CPLANE1: variants seen among roughly 807,000 people sequenced by gnomAD.
The protein encoded by CPLANE1 is ciliogenesis and planar polarity effector complex subunit 1.
Under a neutral mutation model 362.5 loss-of-function variants are expected in CPLANE1, and 263 were observed. The observed-to-expected ratio is 0.73, with a 90% CI of 0.66 to 0.80. The LOEUF is 0.80. Among genes scored for constraint, CPLANE1 ranks in the 30% least tolerant of loss-of-function variants. The pLI, the probability that CPLANE1 is intolerant of heterozygous loss-of-function variation, is 0.00. For missense variants in CPLANE1, 3,461 were observed against 3,793.4 expected (o/e 0.91, Z 2.30); for synonymous variants, 1,212 against 1,302.6 (o/e 0.93, Z 1.50).
chr5:37,107,168 T>C lies in CPLANE1; in HGVS notation c.*434A>G, dbSNP rs186004348. 17 of 986,016 alleles carry C rather than the reference T, an allele frequency of 1.7e-5. No individual in the cohort carries two copies. Among genetic ancestry groups the C allele is most frequent in the African/African-American group, 1.2e-4 (7 of 57,378 alleles). The allele number at this position is 986,016 out of a possible 1,614,324, so 61.1% of individuals were successfully genotyped here. The stretch of plus-strand genomic sequence containing the variant: ...AGGTGTTTTAAAATAGGGTTCATAA[T>C]TGAGTTCTCAGGTGAGACTGATTTT... On this transcript the variant is annotated 3_prime_UTR_variant, in exon 53 of 53. Transcript: ENST00000651892.
rs1200512084 is a variant in CPLANE1, at chr5:37,107,613, G to A, written c.9745C>T (p.Leu3249=). The change falls in exon 53 of 53, where the codon CTG becomes TTG. Residue 3249 remains leucine (L), a synonymous_variant. Coordinates refer to ENST00000651892, the MANE Select transcript of CPLANE1 (RefSeq NM_001384732.1). ...EDQGLSVHWA[L]DL ...ATGATATCCAGGTCTTACAGGTCCAGGGCCCAGTGGACAGACAGGCCCTGG... is the reference window on the plus strand; with the variant it reads ...ATGATATCCAGGTCTTACAGGTCCAAGGCCCAGTGGACAGACAGGCCCTGG... 2 of 1,609,868 alleles carry A rather than the reference G, an allele frequency of 1.2e-6. No homozygotes were observed. The highest frequency in any genetic ancestry group is 3.3e-5 in the Admixed American group (2 of 59,844).
Position 37,169,209 on chromosome 5 carries a change from G to A in CPLANE1, c.6815C>T (p.Pro2272Leu), listed in dbSNP as rs777757781. 6 of 1,614,092 alleles carry A rather than the reference G, an allele frequency of 3.7e-6. No homozygotes were observed. The highest frequency in any genetic ancestry group is 4.2e-6 in the Non-Finnish European group (5 of 1,180,010). ...GLSDSFQPALPQRAAQTTPAS... is the reference protein window; with the variant it reads ...GLSDSFQPALLQRAAQTTPAS... ...TGGAGTAGTTTGTGCTGCTCTCTGT[G>A]GCAGAGCAGGTTGGAAGGAGTCAGA... The change falls in exon 34 of 53, where the codon CCA becomes CTA. Residue 2272 changes from proline to leucine, a missense_variant. Physicochemically the swap from Pro to Leu is moderately conservative, Grantham distance 98. This residue lies in a region of CPLANE1 where 3,380 missense variants were observed against 3,666.1 expected (regional missense o/e 0.92). Coordinates refer to ENST00000651892, the MANE Select transcript of CPLANE1 (RefSeq NM_001384732.1).
Position 37,107,037 on chromosome 5 carries a change from G to C in CPLANE1, c.*565C>G. On this transcript the variant is annotated 3_prime_UTR_variant, in exon 53 of 53. Coordinates refer to ENST00000651892, the MANE Select transcript of CPLANE1 (RefSeq NM_001384732.1). Reference sequence around the variant, plus strand: ...CTCCAAGGCTTCAGGCTACAGGGCAGAAGACAGAAGATCTCCTGGCCTCCA... The same window carrying C: ...CTCCAAGGCTTCAGGCTACAGGGCACAAGACAGAAGATCTCCTGGCCTCCA... 4 of 985,438 alleles carry C rather than the reference G, an allele frequency of 4.1e-6. No homozygotes were observed. The highest frequency in any genetic ancestry group is 3.6e-6 in the Non-Finnish European group (3 of 829,930). The allele number at this position is 985,438 out of a possible 1,614,324, so 61.0% of individuals were successfully genotyped here.
chr5:37,148,344 T>TG, intron 42 of CPLANE1, 76 bp from the exon 43 acceptor site: 3 of 1,038,894 alleles, frequency 2.9e-6, no homozygotes, highest in Non-Finnish European at 2.8e-6. Context: ...TTTATGTAAG[T>TG]TTTAAACACT....
rs1264659510 is a variant in CPLANE1 at position 37,121,755 on chromosome 5, C to T, written c.9047G>A (p.Arg3016Gln). The stretch of plus-strand genomic sequence containing the variant: ...CATCAGACCGTACGCTTGTGAGATT[C>T]GACGACTATAGTGTTCAGAGAGCAG... Reference protein sequence around the residue: ...RLLLSEHYSRRISQAYGLMNE... With the variant: ...RLLLSEHYSRQISQAYGLMNE... The change falls in exon 49 of 53, where the codon CGA becomes CAA. Residue 3016 changes from arginine (R) to glutamine (Q), a missense_variant. By Grantham distance (43) the Arg-to-Gln change is conservative. Around this residue, in one of 2 missense-constraint regions of CPLANE1, gnomAD observed 3,380 missense variants for 3,666.1 expected, o/e 0.92. Coordinates refer to ENST00000651892, the MANE Select transcript of CPLANE1 (RefSeq NM_001384732.1). The T allele has an allele frequency of 3.1e-6, 5 of 1,613,800 alleles. No homozygotes were observed. Among genetic ancestry groups the T allele is most frequent in the Admixed American group, 1.7e-5 (1 of 59,988 alleles).
the CPLANE1 span, among the ~76,000 whole-genome samples, chr5:37,084,604 AC>A: frequency 6.6e-6 from 1 of 151,442 alleles, no homozygotes; most frequent in East Asian, 1.9e-4. Context: ...ACATAATGAA[AC>A]CCCGTCTCTA....
chr5:37,205,694 C>A (rs1349164956), intron 17 of CPLANE1, among the ~76,000 whole-genome samples: 1 of 152,168 alleles, frequency 6.6e-6, no homozygotes, highest in Non-Finnish European at 1.5e-5. Context: ...GCTTTACTAA[C>A]ACATAAGTGT....
rs1304431838 is a variant in CPLANE1 at position 37,195,863 on chromosome 5, G to A, written c.3806C>T (p.Ala1269Val). Residue 1269 changes from alanine (A) to valine (V), a missense_variant, in exon 21 of 53, where the codon GCA becomes GTA. By Grantham distance (64) the Ala-to-Val change is moderately conservative (BLOSUM62 0). This residue lies in a region of CPLANE1 where 3,380 missense variants were observed against 3,666.1 expected (regional missense o/e 0.92). Coordinates refer to ENST00000651892, the MANE Select transcript of CPLANE1 (RefSeq NM_001384732.1). The part of the protein sequence containing the change: ...DHKLDEVSIR[A>V]IGCFRELCAL... ...GCAGTTCATTTTGGACAAACCTATTGCTCTAATGGAAACTTCATCAAGCTT... is the reference window on the plus strand; with the variant it reads ...GCAGTTCATTTTGGACAAACCTATTACTCTAATGGAAACTTCATCAAGCTT... 8 of 1,608,730 alleles carry A rather than the reference G, an allele frequency of 5.0e-6. No homozygotes were observed.
chr5:37,076,253 CA>C, the CPLANE1 span, among the ~76,000 whole-genome samples: 132,981 of 138,788 alleles, frequency 0.96, 63,674 homozygotes, highest in East Asian at 0.99. Context: ...GACCCTGTCT[CA>C]AAAAAAAAAA....
In CPLANE1 at chr5:37,121,703, C is replaced by T. The variant is rs752850962; in HGVS notation, c.9099G>A (p.Gln3033=). Residue 3033 remains glutamine, a synonymous_variant, in exon 49 of 53, where the codon CAG becomes CAA. Coordinates refer to ENST00000651892, the MANE Select transcript of CPLANE1 (RefSeq NM_001384732.1). ...LMNELLSESV[Q]LPTLPQKPLP... ...ATGGTTTCTGTGGTAGAGTTGGTAG[C>T]TGTACTGACTCAGATAACAGTTCAT... is the stretch of plus-strand genomic sequence containing the variant. The T allele has an allele frequency of 1.2e-6, 2 of 1,613,610 alleles. No homozygotes were observed. The highest frequency in any genetic ancestry group is 3.3e-5 in the Admixed American group (2 of 60,010).
At chr5:37,242,228 C>T (rs1279912856) in intron 6 of CPLANE1, among the ~76,000 whole-genome samples, 1 of 151,948 alleles carries the variant, frequency 6.6e-6, no homozygotes, top group African/African-American at 2.4e-5. Context: ...GTGGCGGGCA[C>T]CTGTAGTCCC....
the CPLANE1 span, among the ~76,000 whole-genome samples, chr5:37,093,618 T>C: frequency 6.6e-6 from 1 of 152,198 alleles, no homozygotes. Context: ...TTGCTAATTA[T>C]ACTCATGATT....
Position 37,227,029 on chromosome 5 carries a change from G to A in CPLANE1, c.1566C>T (p.Asp522=). The A allele has an allele frequency of 6.5e-7, 1 of 1,547,702 alleles. No homozygotes were observed. Among genetic ancestry groups the A allele is most frequent in the Non-Finnish European group, 8.7e-7 (1 of 1,146,002 alleles). ...EETNEGRHFP[D]NLCPFWNKRD... ...TTTTGTTCCAAAAAGGACATAAGTT[G>A]TCTGGAAAGTGTCTGCCTTCGTTAG... Residue 522 remains aspartate (D), a synonymous_variant, in exon 12 of 53, where the codon GAC becomes GAT. Coordinates refer to ENST00000651892, the MANE Select transcript of CPLANE1 (RefSeq NM_001384732.1).
intron 21 of CPLANE1, 98 bp from the exon 22 acceptor site, chr5:37,187,940 G>C (rs1051970166): frequency 4.3e-6 from 3 of 701,954 alleles, no homozygotes; most frequent in Non-Finnish European, 6.8e-6. Context: ...CAAAATAAAG[G>C]TCTTTATTTC....
At position 37,126,550 on chromosome 5, in the gene CPLANE1, T is replaced by C. The variant is rs901387303; in HGVS notation, c.8793-1141A>G. Among the ~76,000 whole-genome samples, 3 of 152,216 alleles carry C rather than the reference T, an allele frequency of 2.0e-5. No individual in the cohort carries two copies. The South Asian group carries it at 6.2e-4, about 32-fold the overall frequency. On this transcript the variant is annotated intron_variant, in intron 46 of 52. Transcript: ENST00000651892. ...GAGCTGCATCATAGTCTGATGCTTC[T>C]CCTTACTTCTTCCCTGCATTCCGCC...
At chr5:37,188,170 CT>C (rs960163219) in intron 21 of CPLANE1, among the ~76,000 whole-genome samples, 69 of 151,914 alleles carry the variant, frequency 4.5e-4, no homozygotes, top group African/African-American at 1.5e-3. Context: ...TTGCAACTAG[CT>C]TTTTTTTCAC....
intron 26 of CPLANE1, among the ~76,000 whole-genome samples, chr5:37,181,965 G>A (rs1782774835): frequency 6.6e-6 from 1 of 152,000 alleles, no homozygotes; most frequent in African/African-American, 2.4e-5. Flanking sequence ...GGTGGCGCGT[G>A]CCTGTAGTCC....
At chr5:37,222,845 C>T (rs1326503438) in intron 14 of CPLANE1, among the ~76,000 whole-genome samples, 1 of 152,188 alleles carries the variant, frequency 6.6e-6, no homozygotes, top group Non-Finnish European at 1.5e-5. Context: ...GGTTTCAAGG[C>T]TTCTCGTCTG....
intron 16 of CPLANE1, among the ~76,000 whole-genome samples, chr5:37,208,860 T>C (rs543757221): frequency 6.6e-6 from 1 of 152,018 alleles, no homozygotes; most frequent in South Asian, 2.1e-4. Flanking sequence ...TCTCAACATA[T>C]TAGACGTAAA....
Sources: allele counts gnomAD v4.1 joint callset (sites outside exome capture counted in the v4.1 genomes callset), GRCh38; gene constraint gnomAD v4.1.1; regional missense constraint gnomAD v4.1.1; transcripts MANE v1.5; gene names NCBI Gene and HGNC (gene_info 2026-07-23, HGNC 2026-07-21).